The following CC2D1B variants were observed in gnomAD, a reference collection of about 807,000 sequenced individuals.
CC2D1B encodes coiled-coil and C2 domain containing 1B, also known as coiled-coil and C2 domain-containing protein 1B.
In CC2D1B, 92 loss-of-function variants were observed where a neutral mutation model predicts 110.8. That is an observed-to-expected ratio of 0.83 (90% CI 0.70 to 0.99). The LOEUF (loss-of-function observed/expected upper bound fraction) is 0.99. Ranked by LOEUF, CC2D1B falls within the 50% of genes least tolerant of loss-of-function variation. The probability of loss-of-function intolerance (pLI) is 0.00; values close to 1 mark genes in which losing one functional copy is unlikely to be tolerated. For synonymous variants in CC2D1B, 406 were observed against 429.2 expected (o/e 0.95, Z 0.67); for missense variants, 1,136 against 1,089.0 (o/e 1.04, Z -0.61).
rs760131080 is a variant in CC2D1B at position 52,355,401 on chromosome 1, G to C, written c.2236C>G (p.Pro746Ala). The C allele has an allele frequency of 1.9e-6, 3 of 1,614,058 alleles. No homozygotes were observed. Among genetic ancestry groups the C allele is most frequent in the Non-Finnish European group, 1.7e-6 (2 of 1,179,992 alleles). Residue 746 changes from proline (P) to alanine (A), a missense_variant, in exon 21 of 25, where the codon CCA (proline) becomes GCA (alanine). By Grantham distance (27) the Pro-to-Ala change is conservative (BLOSUM62 -1). Transcript: ENST00000284376. ...KTAVVKNTNSPEFDQLFKLNI... is the reference protein window; with the variant it reads ...KTAVVKNTNSAEFDQLFKLNI... Reference sequence around the variant, plus strand: ...GAGGCCCACGTGTGGCCCTCACCTGGAGAGTTTGTGTTCTTCACCACAGCT... The same window carrying C: ...GAGGCCCACGTGTGGCCCTCACCTGCAGAGTTTGTGTTCTTCACCACAGCT...
At chr1:52,357,247 ACTC>A in intron 15 of CC2D1B, 121 bp from the exon 16 acceptor site, 1 of 1,201,742 alleles carries the variant, frequency 8.3e-7, no homozygotes, top group East Asian at 2.4e-5. Context: ...AGTGATGACA[ACTC>A]ATCGCCTCCC....
chr1:52,359,023 C>T lies in CC2D1B; in HGVS notation c.1257+4G>A. 1.2e-6 allele frequency: 2 copies of T among 1,605,000 alleles called. No homozygotes were observed. The highest frequency in any genetic ancestry group is 1.1e-5 in the South Asian group (1 of 91,044). On this transcript the variant is annotated splice_donor_region_variant and intron_variant, in intron 11 of 24. Coordinates refer to ENST00000284376, the MANE Select transcript of CC2D1B (RefSeq NM_001330585.2). Reference sequence around the variant, plus strand: ...AGGCAGGGGCTGCATAGCCGCGGGCCCACCTTGGCAATGCGCTCATGCATC... The same window carrying T: ...AGGCAGGGGCTGCATAGCCGCGGGCTCACCTTGGCAATGCGCTCATGCATC...
chr1:52,363,676 C>T (rs72899812), intron 2 of CC2D1B, among the ~76,000 whole-genome samples: 9,003 of 150,484 alleles, frequency 0.06, 301 homozygotes, highest in South Asian at 0.083. Context: ...GGTAGAGGTA[C>T]ATCCTTTTTT....
chr1:52,364,925 G>C (rs1465751548), intron 1 of CC2D1B, among the ~76,000 whole-genome samples: 3 of 152,138 alleles, frequency 2.0e-5, no homozygotes, highest in Non-Finnish European at 4.4e-5. Context: ...AATTCAGAAA[G>C]GCTCTAAAGC....
chr1:52,354,726 T>C (rs1569826775), intron 22 of CC2D1B, 28 bp from the exon 23 acceptor site: 3 of 1,612,534 alleles, frequency 1.9e-6, no homozygotes, highest in Non-Finnish European at 2.5e-6. Flanking sequence ...AGCAGAGGAT[T>C]GGACTGGGCA....
Position 52,357,127 on chromosome 1 carries a change from C to T in CC2D1B, c.1753-1G>A. 1 of 1,613,938 alleles carries T rather than the reference C, an allele frequency of 6.2e-7. No homozygotes were observed. Among genetic ancestry groups the T allele is most frequent in the Non-Finnish European group, 8.5e-7 (1 of 1,179,946 alleles). Reference sequence around the variant, plus strand: ...CCTCATCCGTCAAGGGCGAAGGCACCTACCCAGGTCACAAGGCCCCTCGGG... The same window carrying T: ...CCTCATCCGTCAAGGGCGAAGGCACTTACCCAGGTCACAAGGCCCCTCGGG... On this transcript the variant is annotated splice_acceptor_variant, in intron 15 of 24. Coordinates refer to ENST00000284376, the MANE Select transcript of CC2D1B (RefSeq NM_001330585.2). LOFTEE classifies it high-confidence loss of function.
In CC2D1B at chr1:52,361,588, C is replaced by G. The variant is rs1249532465; in HGVS notation, c.243G>C (p.Lys81Asn). ...CATCCCGCATACAGTCTGCCGCCAA[C>G]TTCTCGATGTGGGCCATGGGCAGGG... ...QAPLPMAHIE[K>N]LAADCMRDVE... is the part of the protein sequence containing the mutation. Residue 81 changes from lysine (K) to asparagine (N), a missense_variant, in exon 4 of 25, where the codon AAG becomes AAC. Lys to Asn is a moderately conservative substitution (Grantham distance 94, BLOSUM62 0). Transcript: ENST00000284376. The G allele has an allele frequency of 6.2e-7, 1 of 1,613,790 alleles. No homozygotes were observed. The highest frequency in any genetic ancestry group is 8.5e-7 in the Non-Finnish European group (1 of 1,180,028).
At chr1:52,358,135 T>C (rs537451214) in intron 13 of CC2D1B, 196 bp downstream of exon 13, 2 of 933,952 alleles carry the variant, frequency 2.1e-6, no homozygotes, top group East Asian at 2.7e-5. Flanking sequence ...GCCGGGGCTC[T>C]GGGTTCAGAA....
rs1228737657 is a variant in CC2D1B, at chr1:52,360,999, A to G, written c.452T>C (p.Leu151Pro). The G allele has an allele frequency of 6.2e-7, 1 of 1,614,148 alleles. No individual in the cohort carries two copies. Among genetic ancestry groups the G allele is most frequent in the Non-Finnish European group, 8.5e-7 (1 of 1,180,010 alleles). Reference protein sequence around the residue: ...DTEPPVQTAVLTASAPAAQAG... With the variant: ...DTEPPVQTAVPTASAPAAQAG... ...CTGAGCTGCTGGGGCTGAAGCTGTCAGGACGGCTGTCTGCACTGGAGGTTC... is the reference window on the plus strand; with the variant it reads ...CTGAGCTGCTGGGGCTGAAGCTGTCGGGACGGCTGTCTGCACTGGAGGTTC... The change falls in exon 5 of 25, where the codon CTG becomes CCG. Residue 151 changes from leucine to proline, a missense_variant. Coordinates refer to ENST00000284376, the MANE Select transcript of CC2D1B (RefSeq NM_001330585.2).
Position 52,357,695 on chromosome 1 carries a change from C to A in CC2D1B, c.1583G>T (p.Arg528Leu). Reference protein sequence around the residue: ...SSKESPSPSVREQLALLEARK... With the variant: ...SSKESPSPSVLEQLALLEARK... The stretch of plus-strand genomic sequence containing the variant: ...TGCCTCCAGCAGTGCCAGCTGCTCC[C>A]GCACTGAAGGGAGAAGGCCACTGGT... Residue 528 changes from arginine to leucine, a missense_variant, in exon 15 of 25, where the codon CGG (arginine) becomes CTG (leucine). By Grantham distance (102) the Arg-to-Leu change is moderately radical. Coordinates refer to ENST00000284376, the MANE Select transcript of CC2D1B (RefSeq NM_001330585.2). The A allele has an allele frequency of 1.2e-6, 2 of 1,607,164 alleles. No homozygotes were observed. The highest frequency in any genetic ancestry group is 2.2e-5 in the East Asian group (1 of 44,630).
At chr1:52,363,592 T>C (rs1186505109) in intron 2 of CC2D1B, among the ~76,000 whole-genome samples, 2 of 152,022 alleles carry the variant, frequency 1.3e-5, no homozygotes, top group African/African-American at 4.8e-5. Flanking sequence ...CATTAAACAT[T>C]AACCCCCCTT....
rs751565483 is a variant in CC2D1B, at chr1:52,354,362, T to G, written c.2430+246A>C. 1.5e-4 allele frequency: 102 copies of G among 681,104 alleles called. No homozygotes were observed. In the South Asian group the frequency reaches 1.5e-3, roughly 10 times the overall value. The allele number at this position is 681,104 out of a possible 1,614,324, so 42.2% of individuals were successfully genotyped here. On this transcript the variant is annotated intron_variant, in intron 23 of 24. Transcript: ENST00000284376. ...GTCAGAGGCAAGGTCGTATAGTCCT[T>G]GCCTGTGGAATCCATTGAGTTCATG...
intron 24 of CC2D1B, 24 bp from the exon 25 acceptor site, chr1:52,353,247 G>C: frequency 7.1e-7 from 1 of 1,401,374 alleles, no homozygotes; most frequent in Middle Eastern, 1.9e-4. Context: ...CAAAGCACAA[G>C]AAGTCAGTCT....
In CC2D1B at chr1:52,353,126, G is replaced by T; in HGVS notation, c.*99C>A. ...ACAGGTCTTTGGTGCTTGGGTAGCA[G>T]CATCTCTTATGTACAAAGGCTTCTG... On this transcript the variant is annotated 3_prime_UTR_variant, in exon 25 of 25. Transcript: ENST00000284376. 1 of 1,194,638 alleles carries T rather than the reference G, an allele frequency of 8.4e-7. No individual in the cohort carries two copies. Among genetic ancestry groups the T allele is most frequent in the Non-Finnish European group, 1.1e-6 (1 of 888,790 alleles). The allele number at this position is 1,194,638 out of a possible 1,614,324, so 74.0% of individuals were successfully genotyped here.
At chr1:52,360,751 A>G (rs1205031290) in intron 5 of CC2D1B, 3 of 934,804 alleles carry the variant, frequency 3.2e-6, no homozygotes, top group Admixed American at 5.8e-5. Flanking sequence ...ACTTGGTGGA[A>G]GCCAGGATAT....
rs1255687032 is a variant in CC2D1B, at chr1:52,351,498, C to G, written c.*1727G>C. 6.6e-6 allele frequency: 1 copy of G among 152,168 alleles called. No homozygotes were observed. Among genetic ancestry groups the G allele is most frequent in the Non-Finnish European group, 1.5e-5 (1 of 68,046 alleles). 9.4% of individuals were successfully genotyped at this position (152,168 alleles called of 1,614,324 possible). On this transcript the variant is annotated 3_prime_UTR_variant, in exon 25 of 25. Coordinates refer to ENST00000284376, the MANE Select transcript of CC2D1B (RefSeq NM_001330585.2). ...TCATCTTATGAAGGCTAATCACCCT[C>G]CTTTTCATTCTAGATTATTGCTGTG...
intron 2 of CC2D1B, among the ~76,000 whole-genome samples, chr1:52,363,003 T>G (rs1646814833): frequency 6.6e-6 from 1 of 152,242 alleles, no homozygotes; most frequent in Non-Finnish European, 1.5e-5. Flanking sequence ...ACTACCATTA[T>G]TACAACCAAC....
rs1410816994 is a variant in CC2D1B at position 52,354,930 on chromosome 1, T to C, written c.2249A>G (p.Gln750Arg). 5.0e-6 allele frequency: 8 copies of C among 1,614,004 alleles called. No individual in the cohort carries two copies. The South Asian group carries it at 7.7e-5, about 16-fold the overall frequency. Residue 750 changes from glutamine (Q) to arginine (R), a missense_variant, in exon 22 of 25, where the codon CAA (glutamine) becomes CGA (arginine). Physicochemically the swap from Gln to Arg is conservative, Grantham distance 43 (BLOSUM62 1). Transcript: ENST00000284376. ...TCGGTTGATGTTTAGTTTGAAGAGT[T>C]GATCAAATTCTGGCAAAGGGGGAGA... Reference protein sequence around the residue: ...VKNTNSPEFDQLFKLNINRNH... With the variant: ...VKNTNSPEFDRLFKLNINRNH...
rs1646664700 is a variant in CC2D1B at position 52,356,905 on chromosome 1, A to AT, written c.1878+95dup. The AT allele has an allele frequency of 5.8e-6, 8 of 1,388,290 alleles. 1 individual carries two copies. The African/African-American group carries it at 1.0e-4, about 18-fold the overall frequency. 86.0% of individuals were successfully genotyped at this position (1,388,290 alleles called of 1,614,324 possible). ...CAGTGAGTAAGTGGAAGAGCTGAGA[A>AT]TTTTGAGTCCAGGGCTGTGTGGTCT... On this transcript the variant is annotated intron_variant, in intron 16 of 24. Coordinates refer to ENST00000284376, the MANE Select transcript of CC2D1B (RefSeq NM_001330585.2).
Sources: gnomAD v4.1 joint callset for allele counts (sites outside exome capture counted in the v4.1 genomes callset) on GRCh38, gnomAD v4.1.1 for gene constraint, MANE v1.5 for transcripts, NCBI Gene and HGNC (gene_info 2026-07-23, HGNC 2026-07-21) for gene names.